Variants in CCDC80 observed in about 807,000 individuals in gnomAD.
CCDC80 encodes coiled-coil domain-containing protein 80.
In CCDC80, 49 loss-of-function variants were observed where a neutral mutation model predicts 78.7. That is an observed-to-expected ratio of 0.62 (90% CI 0.50 to 0.79). CCDC80 has a LOEUF of 0.79. Ranked by LOEUF, CCDC80 falls within the 30% of genes least tolerant of loss-of-function variation. The probability of loss-of-function intolerance (pLI) is 0.00; values close to 1 mark genes in which losing one functional copy is unlikely to be tolerated. For missense variants in CCDC80, 1,205 were observed against 1,198.6 expected (o/e 1.01, Z -0.08); for synonymous variants, 488 against 447.0 (o/e 1.09, Z -1.16).
rs143178059 is a variant in CCDC80 at position 112,611,998 on chromosome 3, C to A, written c.2322-1917G>T. On this transcript the variant is annotated intron_variant, in intron 5 of 7. Coordinates refer to ENST00000206423, the MANE Select transcript of CCDC80 (RefSeq NM_199511.3). ...CTGAATGGATGCCTGCCGCAAGGCT[C>A]GCCAAGTATTGCTTGCTGTGACATT... is the stretch of plus-strand genomic sequence containing the variant. Among the ~76,000 whole-genome samples, 1,029 of 150,302 alleles carry A rather than the reference C, an allele frequency of 6.8e-3. 4 individuals are homozygous for A. Among genetic ancestry groups the A allele is most frequent in the Non-Finnish European group, 0.011 (748 of 67,902 alleles).
At chr3:112,605,882 G>T in intron 7 of CCDC80, 119 bp from the exon 8 acceptor site, 2 of 794,146 alleles carry the variant, frequency 2.5e-6, no homozygotes, top group Non-Finnish European at 3.9e-6. Context: ...CTTCTCTTTA[G>T]TTCAAAATCT....
chr3:112,637,150 A>AGAC (rs1227938734), intron 2 of CCDC80, among the ~76,000 whole-genome samples: 1 of 152,242 alleles, frequency 6.6e-6, no homozygotes, highest in Non-Finnish European at 1.5e-5. Context: ...AAAGAACTGC[A>AGAC]GACCAAGGGC....
At chr3:112,623,897 T>C (rs992583830) in intron 3 of CCDC80, among the ~76,000 whole-genome samples, 1 of 152,214 alleles carries the variant, frequency 6.6e-6, no homozygotes, top group Non-Finnish European at 1.5e-5. Flanking sequence ...TCTGTAATAA[T>C]GCTAATCACC....
chr3:112,605,553 T>G lies in CCDC80; in HGVS notation c.2717A>C (p.Gln906Pro). The G allele has an allele frequency of 6.2e-7, 1 of 1,614,218 alleles. No individual in the cohort carries two copies. Among genetic ancestry groups the G allele is most frequent in the Non-Finnish European group, 8.5e-7 (1 of 1,180,038 alleles). The change falls in exon 8 of 8, where the codon CAG becomes CCG. Residue 906 changes from glutamine to proline, a missense_variant. Physicochemically the swap from Gln to Pro is moderately conservative, Grantham distance 76. Transcript: ENST00000206423. ...TGGGCAGCGCATCCCCAGTGACTGC[T>G]GAATCGCCATTTCCTGTCTCCGAAG... ...MQLRRQEMAI[Q>P]QSLGMRCPED...
intron 5 of CCDC80, among the ~76,000 whole-genome samples, chr3:112,614,002 C>T (rs1285733693): frequency 6.6e-6 from 1 of 152,024 alleles, no homozygotes; most frequent in East Asian, 1.9e-4. Context: ...TTTAGGCATG[C>T]AGGTAAGTTG....
chr3:112,611,212 CT>C (rs1278813215), intron 5 of CCDC80, among the ~76,000 whole-genome samples: 4 of 152,094 alleles, frequency 2.6e-5, no homozygotes, highest in Non-Finnish European at 4.4e-5. Context: ...TGCGCCCAGC[CT>C]TCCTTATTTC....
At chr3:112,618,605 G>A (rs1376184426) in intron 4 of CCDC80, among the ~76,000 whole-genome samples, 1 of 152,056 alleles carries the variant, frequency 6.6e-6, no homozygotes, top group East Asian at 1.9e-4. Context: ...CTCTGAGATA[G>A]GCCTATGTTA....
chr3:112,629,933 A>G (rs1005330555), intron 3 of CCDC80, among the ~76,000 whole-genome samples, 180 bp downstream of exon 3: 1 of 152,154 alleles, frequency 6.6e-6, no homozygotes, highest in Non-Finnish European at 1.5e-5. Context: ...TAAAACTTAA[A>G]CGAGAACCAT....
intron 3 of CCDC80, among the ~76,000 whole-genome samples, chr3:112,626,938 AT>A (rs1935987910): frequency 6.6e-6 from 1 of 152,174 alleles, no homozygotes; most frequent in African/African-American, 2.4e-5. Flanking sequence ...TTCCACCTCC[AT>A]GAACTTTGCT....
intron 3 of CCDC80, among the ~76,000 whole-genome samples, chr3:112,626,353 A>G (rs1211309379): frequency 6.6e-6 from 1 of 152,148 alleles, no homozygotes. Flanking sequence ...GTCACCACTG[A>G]TGAAAGGAGA....
rs531097012 is a variant in CCDC80, at chr3:112,622,188, G to A, written c.2036-3084C>T. ...AGGACCAAGATTAAAGGCAAACTTT[G>A]CTTTACTAGTATATGGCAAGAAACC... On this transcript the variant is annotated intron_variant, in intron 3 of 7. Coordinates refer to ENST00000206423, the MANE Select transcript of CCDC80 (RefSeq NM_199511.3). Among the ~76,000 whole-genome samples the A allele has an allele frequency of 2.6e-5, 4 of 152,266 alleles. No individual in the cohort carries two copies. In the South Asian group the frequency reaches 8.3e-4, roughly 32 times the overall value.
At position 112,638,486 on chromosome 3, in the gene CCDC80, C is replaced by T. The variant is rs150318536; in HGVS notation, c.1420G>A (p.Gly474Ser). The T allele has an allele frequency of 2.5e-6, 4 of 1,613,126 alleles. No individual in the cohort carries two copies. Among genetic ancestry groups the T allele is most frequent in the African/African-American group, 2.7e-5 (2 of 74,580 alleles). Residue 474 changes from glycine to serine, a missense_variant, in exon 2 of 8, where the codon GGC becomes AGC. Physicochemically the swap from Gly to Ser is moderately conservative, Grantham distance 56 (BLOSUM62 0). Transcript: ENST00000206423. ...RDNRMDRREH[G>S]HRDPNVVPGP... ...GGCACCACATTTGGGTCTCGGTGGC[C>T]ATGTTCCCGCCTGTCCATGCGGTTG... is the stretch of plus-strand genomic sequence containing the variant.
chr3:112,601,464 A>G lies in CCDC80; in HGVS notation c.*3953T>C, dbSNP rs756182967. 1 of 152,202 alleles carries G rather than the reference A, an allele frequency of 6.6e-6. No homozygotes were observed. The highest frequency in any genetic ancestry group is 2.1e-4 in the South Asian group (1 of 4,832). The allele number at this position is 152,202 out of a possible 1,614,324, so 9.4% of individuals were successfully genotyped here. A position where few individuals can be genotyped will look rare whatever the true frequency, so the allele number is the denominator to read the frequency against. The stretch of plus-strand genomic sequence containing the variant: ...TAAATGCCTATCTGAGGGGAAGCTC[A>G]TAAATATTACTTGACAATATTACTT... On this transcript the variant is annotated 3_prime_UTR_variant, in exon 8 of 8. Transcript: ENST00000206423.
At chr3:112,615,216 T>A (rs1011047792) in intron 5 of CCDC80, among the ~76,000 whole-genome samples, 3 of 152,182 alleles carry the variant, frequency 2.0e-5, no homozygotes, top group Non-Finnish European at 4.4e-5. Flanking sequence ...GACCCAAGCC[T>A]CACAAATCTG....
chr3:112,622,505 A>G (rs765801426), intron 3 of CCDC80, among the ~76,000 whole-genome samples: 2 of 152,156 alleles, frequency 1.3e-5, no homozygotes, highest in Non-Finnish European at 2.9e-5. Flanking sequence ...CATTCTATCT[A>G]AATCAGGGCT....
chr3:112,638,701 A>G lies in CCDC80; in HGVS notation c.1205T>C (p.Val402Ala), dbSNP rs115461364. ...PSHRPPTTTE[V>A]ITARRPSVSE... ...AACTGAGGGTCTCCTGGCAGTGATC[A>G]CCTCAGTGGTTGTAGGGGGCCTGTG... Residue 402 changes from valine to alanine, a missense_variant, in exon 2 of 8, where the codon GTG becomes GCG. Val to Ala is a moderately conservative substitution (Grantham distance 64, BLOSUM62 0). Transcript: ENST00000206423. The G allele has an allele frequency of 2.1e-4, 337 of 1,613,230 alleles. 3 individuals carry two copies. In the African/African-American group the frequency reaches 4.2e-3, roughly 20 times the overall value.
chr3:112,637,894 C>T (rs1936238041), intron 2 of CCDC80, 134 bp downstream of exon 2: 1 of 1,406,986 alleles, frequency 7.1e-7, no homozygotes, highest in Admixed American at 2.8e-5. Flanking sequence ...TGCCAGACTT[C>T]TGAGCTTCTT....
At chr3:112,625,283 T>C (rs984705213) in intron 3 of CCDC80, among the ~76,000 whole-genome samples, 2 of 152,126 alleles carry the variant, frequency 1.3e-5, no homozygotes, top group South Asian at 2.1e-4. Flanking sequence ...TCTGGGGAAA[T>C]AGACATATTT....
Position 112,604,502 on chromosome 3 carries a change from C to G in CCDC80, c.*915G>C, listed in dbSNP as rs1935435005. ...TTTTTGGACATAAAGCTATTATACA[C>G]TTAATAGACTACTAAAGAGTGTAAA... On this transcript the variant is annotated 3_prime_UTR_variant, in exon 8 of 8. Transcript: ENST00000206423. 1.5e-5 allele frequency: 2 copies of G among 133,986 alleles called. No homozygotes were observed. Among genetic ancestry groups the G allele is most frequent in the Admixed American group, 1.5e-4 (2 of 13,756 alleles). The allele number at this position is 133,986 out of a possible 1,614,324, so 8.3% of individuals were successfully genotyped here. A position where few individuals can be genotyped will look rare whatever the true frequency, so the allele number is the denominator to read the frequency against.
Sources: gnomAD v4.1 joint callset for allele counts (sites outside exome capture counted in the v4.1 genomes callset) on GRCh38, gnomAD v4.1.1 for gene constraint, MANE v1.5 for transcripts, NCBI Gene and HGNC (gene_info 2026-07-23, HGNC 2026-07-21) for gene names.